Variants in GPR158 observed in about 807,000 individuals in gnomAD.
GPR158 encodes G protein-coupled receptor 158, also known as metabotropic glycine receptor.
A neutral mutation model predicts 78.2 loss-of-function variants in GPR158; 30 were observed. That is an observed-to-expected ratio of 0.38 (90% CI 0.29 to 0.52). The LOEUF is 0.52. Among genes scored for constraint, GPR158 ranks in the 20% least tolerant of loss-of-function variants. The pLI, the probability that GPR158 is intolerant of heterozygous loss-of-function variation, is 0.83. For synonymous variants in GPR158, 581 were observed against 591.1 expected (o/e 0.98, Z 0.25); for missense variants, 1,463 against 1,523.5 (o/e 0.96, Z 0.66).
chr10:25,450,543 G>T lies in GPR158; in HGVS notation c.1336-16108G>T, dbSNP rs144851546. ...TTCACTTATCTTGCTTCCTTATTCC[G>T]TAAAAATTTTTAAATGCTTACAGTA... is the stretch of plus-strand genomic sequence containing the variant. On this transcript the variant is annotated intron_variant, in intron 4 of 10. Transcript: ENST00000376351. Among the ~76,000 whole-genome samples the T allele has an allele frequency of 1.1e-4, 16 of 150,596 alleles. No individual in the cohort carries two copies. In the East Asian group the frequency reaches 2.9e-3, roughly 28 times the overall value.
intron 2 of GPR158, among the ~76,000 whole-genome samples, chr10:25,283,835 T>TA (rs1386222129): frequency 6.6e-6 from 1 of 152,056 alleles, no homozygotes; most frequent in Non-Finnish European, 1.5e-5. Context: ...AAAATATATT[T>TA]AAATTCCTCT....
At chr10:25,203,165 A>C (rs559293012) in intron 1 of GPR158, among the ~76,000 whole-genome samples, 1 of 152,240 alleles carries the variant, frequency 6.6e-6, no homozygotes, top group African/African-American at 2.4e-5. Flanking sequence ...CCTTTGTCAG[A>C]TGGGTAGATT....
At chr10:25,597,748 T>C in intron 10 of GPR158, 24 bp from the exon 11 acceptor site, 4 of 1,487,214 alleles carry the variant, frequency 2.7e-6, no homozygotes, top group Non-Finnish European at 3.6e-6. Context: ...CTACACTTCT[T>C]TGAATTTGCT....
In GPR158 at chr10:25,562,950, G is replaced by A. The variant is rs549816668; in HGVS notation, c.1515-9699G>A. On this transcript the variant is annotated intron_variant, in intron 6 of 10. Transcript: ENST00000376351. ...TGTTCCTGTTTGCTTCATATATTAT[G>A]GGGATCTGATGTTTAGTACAGATAT... 3.1e-4 allele frequency among the ~76,000 whole-genome samples: 47 copies of A among 152,212 alleles called. 2 individuals are homozygous for A. The highest frequency in any genetic ancestry group is 1.1e-3 in the African/African-American group (46 of 41,544).
At chr10:25,200,946 T>C (rs1852918712) in intron 1 of GPR158, among the ~76,000 whole-genome samples, 1 of 150,768 alleles carries the variant, frequency 6.6e-6, no homozygotes, top group Non-Finnish European at 1.5e-5. Context: ...GGTAATGTGA[T>C]ACATCCAGCT....
In GPR158 at chr10:25,600,916, CTCATT is replaced by C. The variant is rs1306661325; in HGVS notation, c.*1649_*1653del. The C allele has an allele frequency of 6.6e-6, 1 of 152,202 alleles. No individual in the cohort carries two copies. The highest frequency in any genetic ancestry group is 1.5e-5 in the Non-Finnish European group (1 of 68,040). 9.4% of individuals were successfully genotyped at this position (152,202 alleles called of 1,614,324 possible). A position where few individuals can be genotyped will look rare whatever the true frequency, so the allele number is the denominator to read the frequency against. On this transcript the variant is annotated 3_prime_UTR_variant, in exon 11 of 11. Coordinates refer to ENST00000376351, the MANE Select transcript of GPR158 (RefSeq NM_020752.3). The stretch of plus-strand genomic sequence containing the variant: ...ATGCAGTGAGATTCCAAAGCTCAGT[CTCATT>C]TCATTTAAAGAAGAATCACTCAGAA...
chr10:25,443,090 AT>A (rs5783931), intron 4 of GPR158, among the ~76,000 whole-genome samples: 35 of 148,758 alleles, frequency 2.4e-4, no homozygotes, highest in East Asian at 1.2e-3. Context: ...CCACCCCACT[AT>A]TTTTTTTTTA....
intron 2 of GPR158, among the ~76,000 whole-genome samples, chr10:25,238,877 A>C (rs1853566200): frequency 6.6e-6 from 1 of 152,192 alleles, no homozygotes; most frequent in Admixed American, 6.5e-5. Context: ...TTAGCTTCAC[A>C]CTTTATACAG....
intron 7 of GPR158, among the ~76,000 whole-genome samples, chr10:25,577,108 C>CTT (rs1240894399): frequency 3.3e-5 from 5 of 152,050 alleles, no homozygotes; most frequent in African/African-American, 1.2e-4. Context: ...ATTTATTTCT[C>CTT]TTTCAGCATG....
chr10:25,487,734 G>A (rs1835754323), intron 5 of GPR158, among the ~76,000 whole-genome samples: 1 of 152,122 alleles, frequency 6.6e-6, no homozygotes, highest in Non-Finnish European at 1.5e-5. Flanking sequence ...TGGGCTTTCA[G>A]TATATTGTTT....
intron 2 of GPR158, among the ~76,000 whole-genome samples, chr10:25,348,416 C>T (rs1385760103): frequency 1.3e-5 from 2 of 151,422 alleles, no homozygotes. Flanking sequence ...CACACACACA[C>T]ACACACACAC....
intron 4 of GPR158, among the ~76,000 whole-genome samples, chr10:25,439,204 G>A (rs1835036091): frequency 6.6e-6 from 1 of 152,190 alleles, no homozygotes; most frequent in African/African-American, 2.4e-5. Context: ...ACATGGTTGG[G>A]GAGGCCTCAC....
chr10:25,454,857 G>A (rs1454146114), intron 4 of GPR158, among the ~76,000 whole-genome samples: 1 of 152,060 alleles, frequency 6.6e-6, no homozygotes, highest in Non-Finnish European at 1.5e-5. Context: ...TATTAAAAAT[G>A]AAGAATTTCT....
intron 4 of GPR158, among the ~76,000 whole-genome samples, chr10:25,433,790 C>T (rs1282515641): frequency 6.8e-6 from 1 of 146,140 alleles, no homozygotes; most frequent in Non-Finnish European, 1.5e-5. Flanking sequence ...GCCTTGGGCT[C>T]CTAATATGCT....
chr10:25,182,696 T>C (rs1852627521), intron 1 of GPR158, among the ~76,000 whole-genome samples: 1 of 152,216 alleles, frequency 6.6e-6, no homozygotes, highest in African/African-American at 2.4e-5. Flanking sequence ...AAGGCTACCC[T>C]TTTTCAGTCT....
chr10:25,522,441 C>T (rs1836290619), intron 5 of GPR158, among the ~76,000 whole-genome samples: 1 of 152,116 alleles, frequency 6.6e-6, no homozygotes, highest in African/African-American at 2.4e-5. Context: ...CTCCTTTTCC[C>T]TTGTAACCCT....
intron 4 of GPR158, among the ~76,000 whole-genome samples, chr10:25,446,205 C>T (rs1835136734): frequency 6.6e-6 from 1 of 152,150 alleles, no homozygotes; most frequent in African/African-American, 2.4e-5. Flanking sequence ...GAATTACTTT[C>T]ATGTCCACTT....
chr10:25,472,989 A>AT (rs1206605442), intron 5 of GPR158, among the ~76,000 whole-genome samples: 2 of 151,970 alleles, frequency 1.3e-5, no homozygotes, highest in East Asian at 3.9e-4. Flanking sequence ...TTCCAACACT[A>AT]TGTTGAATAG....
intron 8 of GPR158, among the ~76,000 whole-genome samples, chr10:25,592,828 T>A (rs1168229144): frequency 1.3e-5 from 2 of 151,028 alleles, no homozygotes; most frequent in Non-Finnish European, 3.0e-5. Flanking sequence ...TTGTATTATT[T>A]TCCCAGAGTG....
Sources: gnomAD v4.1 joint callset for allele counts (sites outside exome capture counted in the v4.1 genomes callset) on GRCh38, gnomAD v4.1.1 for gene constraint, MANE v1.5 for transcripts, NCBI Gene and HGNC (gene_info 2026-07-23, HGNC 2026-07-21) for gene names.